Variants in IFT52 observed in about 807,000 individuals in gnomAD.
IFT52 encodes the protein intraflagellar transport protein 52 homolog.
Under a neutral mutation model 54.4 loss-of-function variants are expected in IFT52, and 44 were observed. The observed-to-expected ratio is 0.81, with a 90% CI of 0.63 to 1.04. The LOEUF is 1.04. Among genes scored for constraint, IFT52 ranks in the 50% least tolerant of loss-of-function variants. The pLI is 0.00. For synonymous variants in IFT52, 181 were observed against 185.3 expected, an observed-to-expected ratio of 0.98 and a Z score of 0.19; for missense variants, 452 against 523.6, an observed-to-expected ratio of 0.86 and a Z score of 1.33.
At chr20:43,614,113 T>G in intron 7 of IFT52, 137 bp downstream of exon 7, 1 of 752,486 alleles carries the variant, frequency 1.3e-6, no homozygotes, top group Non-Finnish European at 2.1e-6. Context: ...GCATTTCAGC[T>G]ATATACATTT....
chr20:43,614,181 G>A (rs977879431), intron 7 of IFT52, among the ~76,000 whole-genome samples: 1 of 152,040 alleles, frequency 6.6e-6, no homozygotes, highest in African/African-American at 2.4e-5. Flanking sequence ...CCTAAACCTA[G>A]CTCTTATTAT....
At chr20:43,632,115 G>A (rs895840450) in intron 10 of IFT52, among the ~76,000 whole-genome samples, 6 of 151,512 alleles carry the variant, frequency 4.0e-5, no homozygotes, top group African/African-American at 1.5e-4. Context: ...AGTAGAGACG[G>A]GGTTTCTCCA....
At chr20:43,645,661 G>C (rs1986152577) in intron 13 of IFT52, among the ~76,000 whole-genome samples, 1 of 54,964 alleles carries the variant, frequency 1.8e-5, no homozygotes. Flanking sequence ...AAGCCCAGGA[G>C]TTCTAGTCCA....
chr20:43,617,828 G>A (rs1311711411), intron 7 of IFT52, among the ~76,000 whole-genome samples: 3 of 151,788 alleles, frequency 2.0e-5, no homozygotes, highest in Admixed American at 2.0e-4. Context: ...CTGCAACCTC[G>A]CCTCCCAGGT....
chr20:43,615,131 G>A (rs907886957), intron 7 of IFT52, among the ~76,000 whole-genome samples: 6 of 151,346 alleles, frequency 4.0e-5, no homozygotes, highest in Non-Finnish European at 8.8e-5. Context: ...GCGCAATCTT[G>A]GCTCACTGCA....
At chr20:43,620,352 T>C (rs1468976155) in intron 8 of IFT52, among the ~76,000 whole-genome samples, 1 of 152,216 alleles carries the variant, frequency 6.6e-6, no homozygotes, top group Non-Finnish European at 1.5e-5. Flanking sequence ...ACATTATAAA[T>C]TTCTGATAAT....
chr20:43,620,602 G>A (rs1022050802), intron 8 of IFT52, among the ~76,000 whole-genome samples: 7 of 152,168 alleles, frequency 4.6e-5, no homozygotes, highest in African/African-American at 1.4e-4. Context: ...GTTGCAGTGA[G>A]CCAAGATTGC....
At chr20:43,597,434 C>T (rs1317746524) in intron 3 of IFT52, among the ~76,000 whole-genome samples, 1 of 151,226 alleles carries the variant, frequency 6.6e-6, no homozygotes, top group Non-Finnish European at 1.5e-5. Flanking sequence ...TATTCTAGTT[C>T]ATGGAATGGA....
chr20:43,591,567 G>A (rs1275711752), intron 1 of IFT52, among the ~76,000 whole-genome samples: 2 of 152,148 alleles, frequency 1.3e-5, no homozygotes, highest in African/African-American at 4.8e-5. Flanking sequence ...AAAGATAGAT[G>A]TATCACGGTG....
intron 3 of IFT52, among the ~76,000 whole-genome samples, chr20:43,603,532 A>G (rs1982618650): frequency 6.6e-6 from 1 of 152,210 alleles, no homozygotes; most frequent in Admixed American, 6.5e-5. Context: ...TGCTCTCTAG[A>G]TAGTCAGCTT....
chr20:43,617,053 C>T (rs146000117), intron 7 of IFT52, among the ~76,000 whole-genome samples: 1 of 151,844 alleles, frequency 6.6e-6, no homozygotes, highest in Non-Finnish European at 1.5e-5. Context: ...TTTTTTTAAC[C>T]GAATGATGTG....
At chr20:43,620,570 C>T (rs1245279774) in intron 8 of IFT52, among the ~76,000 whole-genome samples, 5 of 152,140 alleles carry the variant, frequency 3.3e-5, no homozygotes, top group African/African-American at 1.2e-4. Flanking sequence ...ACAGGAGAAT[C>T]GCTTGAACCC....
At chr20:43,607,814 G>T (rs4812725) in intron 6 of IFT52, among the ~76,000 whole-genome samples, 16 of 151,762 alleles carry the variant, frequency 1.1e-4, no homozygotes, top group African/African-American at 3.9e-4. Flanking sequence ...GGTGGAGGTT[G>T]TAGCGAGCCG....
chr20:43,639,012 A>G (rs1229670569), intron 12 of IFT52, among the ~76,000 whole-genome samples: 1 of 152,224 alleles, frequency 6.6e-6, no homozygotes, highest in Non-Finnish European at 1.5e-5. Context: ...CATAGTGATG[A>G]GTCCAGGAGG....
chr20:43,627,136 C>T (rs1157417089), intron 10 of IFT52, among the ~76,000 whole-genome samples: 1 of 151,406 alleles, frequency 6.6e-6, no homozygotes, highest in Non-Finnish European at 1.5e-5. Context: ...CACTGGACTC[C>T]AGCCTGGGCA....
chr20:43,600,864 A>G (rs1022988441), intron 3 of IFT52, among the ~76,000 whole-genome samples: 2 of 152,008 alleles, frequency 1.3e-5, no homozygotes, highest in African/African-American at 2.4e-5. Context: ...ACAACTACTC[A>G]GGAGGCTGAG....
At chr20:43,625,505 CA>C (rs1017558652) in intron 10 of IFT52, among the ~76,000 whole-genome samples, 293 of 141,032 alleles carry the variant, frequency 2.1e-3, no homozygotes, top group African/African-American at 5.7e-3. Flanking sequence ...GACTCCATCT[CA>C]AAAAAAAAAA....
chr20:43,646,955 G>A lies in IFT52; in HGVS notation c.1286G>A (p.Ser429Asn), dbSNP rs1986244295. Residue 429 changes from serine to asparagine, a missense_variant, in exon 14 of 14, where the codon AGT (serine) becomes AAT (asparagine). Physicochemically the swap from Ser to Asn is conservative, Grantham distance 46 (BLOSUM62 1). Transcript: ENST00000373030. The stretch of plus-strand genomic sequence containing the variant: ...ATCCAGGAACATGACATCGATACAA[G>A]TGAAACAGCATTCCAGAACAATTTC... ...KLNQEHDIDT[S>N]ETAFQNNF 6.2e-7 allele frequency: 1 copy of A among 1,613,840 alleles called. No individual in the cohort carries two copies.
intron 10 of IFT52, among the ~76,000 whole-genome samples, chr20:43,629,107 T>A (rs1356063001): frequency 6.6e-6 from 1 of 152,098 alleles, no homozygotes; most frequent in Non-Finnish European, 1.5e-5. Flanking sequence ...GTCAAGCAAG[T>A]AGTATAAAGA....
Sources: gnomAD v4.1 joint callset for allele counts (sites outside exome capture counted in the v4.1 genomes callset) on GRCh38, gnomAD v4.1.1 for gene constraint, MANE v1.5 for transcripts, NCBI Gene and HGNC (gene_info 2026-07-23, HGNC 2026-07-21) for gene names.